The following GPR89B variants were observed in gnomAD, a reference collection of about 807,000 sequenced individuals.
GPR89B encodes the protein G protein-coupled receptor 89B.
Under a neutral mutation model 52.4 loss-of-function variants are expected in GPR89B, and 25 were observed. The ratio of observed to expected loss-of-function variants is 0.48; its 90% CI spans 0.35 to 0.67. The LOEUF (loss-of-function observed/expected upper bound fraction) is 0.67. Ranked by LOEUF, GPR89B falls within the 30% of genes least tolerant of loss-of-function variation. The pLI, the probability that GPR89B is intolerant of heterozygous loss-of-function variation, is 0.01. For missense variants in GPR89B, 146 were observed against 450.2 expected, an observed-to-expected ratio of 0.32 and a Z score of 6.11; for synonymous variants, 52 against 151.2, an observed-to-expected ratio of 0.34 and a Z score of 4.81.
At chr1:147,978,990 C>T (rs1486252214) in intron 10 of GPR89B, among the ~76,000 whole-genome samples, 4 of 151,274 alleles carry the variant, frequency 2.6e-5, no homozygotes, top group African/African-American at 9.8e-5. Context: ...GGCCTGGGCT[C>T]ACAAGGGGAA....
At chr1:147,943,374 C>T in intron 3 of GPR89B, 64 bp from the exon 4 acceptor site, 1 of 1,597,708 alleles carries the variant, frequency 6.3e-7, no homozygotes, top group South Asian at 1.1e-5. Flanking sequence ...CTTTGGAAGA[C>T]TAAAGAGAAA....
At chr1:148,008,684 A>G in the GPR89B span, among the ~76,000 whole-genome samples, 1 of 152,186 alleles carries the variant, frequency 6.6e-6, no homozygotes, top group Non-Finnish European at 1.5e-5. Flanking sequence ...AATTCTAGAA[A>G]TAGAACTTCT....
At chr1:147,990,423 C>G (rs2149096327) in intron 12 of GPR89B, among the ~76,000 whole-genome samples, 1 of 152,230 alleles carries the variant, frequency 6.6e-6, no homozygotes, top group South Asian at 2.1e-4. Flanking sequence ...ATGGTAGTTT[C>G]TTTTGCTGTG....
intron 5 of GPR89B, among the ~76,000 whole-genome samples, chr1:147,945,504 A>G (rs1451506119): frequency 1.3e-5 from 2 of 152,232 alleles, no homozygotes; most frequent in East Asian, 1.9e-4. Context: ...CAGAGGAGAT[A>G]TGCAGTTTTG....
At chr1:148,009,924 G>A in the GPR89B span, among the ~76,000 whole-genome samples, 1 of 152,070 alleles carries the variant, frequency 6.6e-6, no homozygotes, top group Admixed American at 6.6e-5. Context: ...AAAGGGGAAG[G>A]GGGCTAGAGG....
intron 7 of GPR89B, among the ~76,000 whole-genome samples, chr1:147,957,831 G>A (rs1356538598): frequency 4.6e-5 from 7 of 152,026 alleles, no homozygotes; most frequent in Admixed American, 2.6e-4. Flanking sequence ...TTGGGAGGCC[G>A]AGTCGGGCAG....
the GPR89B span, chr1:148,010,169 C>T: frequency 6.6e-6 from 1 of 152,254 alleles, no homozygotes; most frequent in African/African-American, 2.4e-5. Flanking sequence ...GCTAACAAAG[C>T]AACAGGCACT....
chr1:147,960,148 C>CA (rs1491241204), intron 7 of GPR89B, among the ~76,000 whole-genome samples: 1 of 151,856 alleles, frequency 6.6e-6, no homozygotes, highest in Non-Finnish European at 1.5e-5. Flanking sequence ...TGACAGATTT[C>CA]ACAGTTTAAG....
At chr1:147,988,984 AACT>A in intron 12 of GPR89B, among the ~76,000 whole-genome samples, 1 of 138,112 alleles carries the variant, frequency 7.2e-6, no homozygotes. Flanking sequence ...TTAAAAGTTA[AACT>A]ACTACATAAA....
At chr1:147,990,306 T>G (rs1398053908) in intron 12 of GPR89B, among the ~76,000 whole-genome samples, 1 of 152,244 alleles carries the variant, frequency 6.6e-6, no homozygotes, top group Non-Finnish European at 1.5e-5. Flanking sequence ...GTTGTTTTTT[T>G]CTTGTAAATT....
chr1:147,970,201 A>C (rs1657311161), intron 10 of GPR89B, among the ~76,000 whole-genome samples: 1 of 151,920 alleles, frequency 6.6e-6, no homozygotes, highest in Non-Finnish European at 1.5e-5. Context: ...AGTTTATGAA[A>C]TATCTAAATT....
the GPR89B span, chr1:148,009,564 T>C: frequency 9.8e-6 from 15 of 1,534,230 alleles, no homozygotes; most frequent in Non-Finnish European, 1.3e-5. Flanking sequence ...AGTCACTGAA[T>C]TCCCACTCTT....
the GPR89B span, among the ~76,000 whole-genome samples, chr1:148,025,345 A>G: frequency 1.3e-5 from 2 of 151,634 alleles, no homozygotes; most frequent in Admixed American, 6.6e-5. Flanking sequence ...GGCAAATGTC[A>G]TAGGATTTAA....
chr1:147,937,281 A>C (rs587772651), intron 2 of GPR89B, among the ~76,000 whole-genome samples: 3 of 151,964 alleles, frequency 2.0e-5, no homozygotes, highest in African/African-American at 7.3e-5. Flanking sequence ...GAGTGTATGA[A>C]TAGGGAGTGG....
downstream of GPR89B, among the ~76,000 whole-genome samples, chr1:147,997,410 C>T (rs1233277137): frequency 6.6e-6 from 1 of 152,174 alleles, no homozygotes; most frequent in African/African-American, 2.4e-5. Context: ...CTCTTCCTCT[C>T]CTGTGCTTGG....
chr1:147,929,855 A>G (rs1428738849), intron 1 of GPR89B, among the ~76,000 whole-genome samples: 3 of 152,134 alleles, frequency 2.0e-5, no homozygotes, highest in African/African-American at 4.8e-5. Context: ...TATTGGCTGC[A>G]TAGTATTCAA....
chr1:147,994,161 C>T, downstream of GPR89B: 1 of 1,309,196 alleles, frequency 7.6e-7, no homozygotes, highest in Non-Finnish European at 1.0e-6. Context: ...AAGACAATCA[C>T]ACATGGTGAA....
At chr1:147,954,289 A>C (rs1350210421) in intron 6 of GPR89B, 33 bp from the exon 7 acceptor site, 1 of 215,996 alleles carries the variant, frequency 4.6e-6, no homozygotes, top group African/African-American at 3.8e-5. Flanking sequence ...TGGGACCCCA[A>C]AACATTTTGC....
At chr1:147,982,351 C>T (rs1369680673) in intron 10 of GPR89B, among the ~76,000 whole-genome samples, 5 of 151,560 alleles carry the variant, frequency 3.3e-5, no homozygotes, top group East Asian at 1.9e-4. Context: ...TGAGCCACTG[C>T]GACCGGCCTA....
Sources: allele counts gnomAD v4.1 joint callset (sites outside exome capture counted in the v4.1 genomes callset), GRCh38; gene constraint gnomAD v4.1.1; transcripts MANE v1.5; gene names NCBI Gene and HGNC (gene_info 2026-07-23, HGNC 2026-07-21).